Variants in ZNF800 observed in about 807,000 individuals in gnomAD.
ZNF800 encodes zinc finger protein 800.
A neutral mutation model predicts 59.5 loss-of-function variants in ZNF800; 13 were observed. That is an observed-to-expected ratio of 0.22 (90% CI 0.14 to 0.35). The LOEUF is 0.35. Among genes scored for constraint, ZNF800 ranks in the 10% least tolerant of loss-of-function variants. The pLI is 1.00. For missense variants in ZNF800, 621 were observed against 783.7 expected, an observed-to-expected ratio of 0.79 and a Z score of 2.48; for synonymous variants, 266 against 265.7, an observed-to-expected ratio of 1.00 and a Z score of -0.01.
At chr7:127,369,392 C>T (rs893865682), downstream of ZNF800, among the ~76,000 whole-genome samples, 7 of 152,118 alleles carry the variant, frequency 4.6e-5, no homozygotes, top group African/African-American at 1.7e-4. Flanking sequence ...ATGTAGCCTA[C>T]ATGCAGAAAA....
At position 127,384,227 on chromosome 7, in the gene ZNF800, CTTTTTTTTT is replaced by C. The variant is rs577977623; in HGVS notation, c.157+1824_157+1832del. On this transcript the variant is annotated intron_variant, in intron 3 of 5. Transcript: ENST00000265827. ...CTTATGACTTAACTAATTCTAACTT[CTTTTTTTTT>C]TTTTTTTTTTTTTTTTAGACAGAGT... Among the ~76,000 whole-genome samples the C allele has an allele frequency of 1.3e-3, 84 of 63,384 alleles. 2 individuals are homozygous for C. The highest frequency in any genetic ancestry group is 1.7e-3 in the Non-Finnish European group (60 of 36,098). 41.6% of individuals were successfully genotyped at this position (63,384 alleles called of 152,430 possible). A position where few individuals can be genotyped will look rare whatever the true frequency, so the allele number is the denominator to read the frequency against.
intron 1 of ZNF800, among the ~76,000 whole-genome samples, chr7:127,358,832 A>G (rs915883053): frequency 2.0e-5 from 3 of 152,264 alleles, no homozygotes; most frequent in Admixed American, 1.3e-4. Context: ...GCAGGAGCTT[A>G]CTTGTTTACT....
intron 4 of ZNF800, among the ~76,000 whole-genome samples, chr7:127,376,978 A>G: frequency 6.6e-6 from 1 of 152,030 alleles, no homozygotes; most frequent in East Asian, 1.9e-4. Context: ...CCAAGTGGAA[A>G]GCATTGATAT....
rs994385734 is a variant in ZNF800, at chr7:127,370,845, T to C, written c.*969A>G. The C allele has an allele frequency of 2.6e-5, 4 of 152,548 alleles. No individual in the cohort carries two copies. Among genetic ancestry groups the C allele is most frequent in the Non-Finnish European group, 2.9e-5 (2 of 67,976 alleles). 9.4% of individuals were successfully genotyped at this position (152,548 alleles called of 1,614,324 possible). A position where few individuals can be genotyped will look rare whatever the true frequency, so the allele number is the denominator to read the frequency against. On this transcript the variant is annotated 3_prime_UTR_variant, in exon 6 of 6. Transcript: ENST00000265827. Reference sequence around the variant, plus strand: ...TAAATTTTACAGTAGGAATCAAATATTATCTAAAGTGGTCCTTTAAGATTT... The same window carrying C: ...TAAATTTTACAGTAGGAATCAAATACTATCTAAAGTGGTCCTTTAAGATTT...
At chr7:127,386,285 C>A in intron 2 of ZNF800, 130 bp from the exon 3 acceptor site, 3 of 536,376 alleles carry the variant, frequency 5.6e-6, no homozygotes, top group Non-Finnish European at 9.9e-6. Flanking sequence ...CGCACACACA[C>A]ACGCATATAT....
downstream of ZNF800, chr7:127,369,908 T>C (rs1222055598): frequency 6.6e-6 from 1 of 152,044 alleles, no homozygotes; most frequent in Non-Finnish European, 1.5e-5. Context: ...GGCATACAAA[T>C]GAGAGGATGC....
intron 3 of ZNF800, among the ~76,000 whole-genome samples, chr7:127,383,258 G>A (rs73233044): frequency 0.011 from 1,684 of 151,340 alleles, 14 homozygotes; most frequent in Non-Finnish European, 0.018. Flanking sequence ...CAGAAGGTGA[G>A]ACACAAAAGG....
At position 127,375,176 on chromosome 7, in the gene ZNF800, G is replaced by A. The variant is rs745344852; in HGVS notation, c.302-142C>T. 7 of 672,078 alleles carry A rather than the reference G, an allele frequency of 1.0e-5. 1 individual carries two copies. In the South Asian group the frequency reaches 2.7e-4, roughly 26 times the overall value. 41.6% of individuals were successfully genotyped at this position (672,078 alleles called of 1,614,324 possible). A position where few individuals can be genotyped will look rare whatever the true frequency, so the allele number is the denominator to read the frequency against. On this transcript the variant is annotated intron_variant, in intron 4 of 5. Coordinates refer to ENST00000265827, the MANE Select transcript of ZNF800 (RefSeq NM_176814.5). ...TTATAAGAGCATTATCTACTTTTCA[G>A]TATTCTACAAAGATAAAGACTACTA...
At chr7:127,372,675 A>G in intron 5 of ZNF800, 2 of 985,212 alleles carry the variant, frequency 2.0e-6, no homozygotes, top group Non-Finnish European at 2.4e-6. Context: ...GATCAAAACT[A>G]AAAAACAGTA....
chr7:127,363,966 G>GTT (rs1478849635), intron 1 of ZNF800: 1 of 152,068 alleles, frequency 6.6e-6, no homozygotes, highest in East Asian at 1.9e-4. Context: ...ATATGGGAAG[G>GTT]TGGGTAAAAA....
chr7:127,362,886 GAA>G (rs1800421796), intron 1 of ZNF800: 1 of 152,136 alleles, frequency 6.6e-6, no homozygotes, highest in South Asian at 2.1e-4. Context: ...AGACAGATTA[GAA>G]AAGAGGTCAG....
rs17867023 is a variant in ZNF800, at chr7:127,352,762, T to C, written n.225-4719A>G. 7.6e-3 allele frequency among the ~76,000 whole-genome samples: 1,163 copies of C among 152,274 alleles called. 16 individuals carry two copies. Among genetic ancestry groups the C allele is most frequent in the African/African-American group, 0.026 (1,091 of 41,540 alleles). ...TACAGTCTTCTAATACCTAGTTACCTCTCTGGATGAACCAATAATCAGGGT... is the reference window on the plus strand; with the variant it reads ...TACAGTCTTCTAATACCTAGTTACCCCTCTGGATGAACCAATAATCAGGGT... On this transcript the variant is annotated intron_variant and non_coding_transcript_variant, in intron 1 of 1. Transcript: ENST00000485577.
chr7:127,369,429 C>G (rs1361943), downstream of ZNF800, among the ~76,000 whole-genome samples: 49,882 of 151,994 alleles, frequency 0.33, 9,427 homozygotes, highest in East Asian at 0.75. Flanking sequence ...TCTTAGGCCT[C>G]TTCTCAAGAG....
downstream of ZNF800, chr7:127,346,675 T>TA (rs1241739896): frequency 6.6e-6 from 1 of 152,272 alleles, no homozygotes. Flanking sequence ...GAATGTCTGA[T>TA]GATGTGCTAG....
intron 2 of ZNF800, among the ~76,000 whole-genome samples, chr7:127,388,652 C>A (rs1587457246): frequency 6.6e-6 from 1 of 152,304 alleles, no homozygotes; most frequent in African/African-American, 2.4e-5. Flanking sequence ...ACTTCCACTT[C>A]CACATGACAG....
At position 127,377,558 on chromosome 7, in the gene ZNF800, C is replaced by A. The variant is rs1044444875; in HGVS notation, c.158-229G>T. On this transcript the variant is annotated intron_variant, in intron 3 of 5. Transcript: ENST00000265827. This position sits in a 1 kb window ranked among gnomAD's most constrained non-coding sequence, Gnocchi z 4.7. ...GGAGAACTAAAATTGATGCTGTGTT[C>A]CCACTTCAGCAGCCAATCAATTCTT... Among the ~76,000 whole-genome samples, 1 of 151,998 alleles carries A rather than the reference C, an allele frequency of 6.6e-6. No homozygotes were observed. The highest frequency in any genetic ancestry group is 2.1e-4 in the South Asian group (1 of 4,832).
chr7:127,344,887 AAT>A (rs1800029341), downstream of ZNF800, among the ~76,000 whole-genome samples: 1 of 152,180 alleles, frequency 6.6e-6, no homozygotes, highest in Admixed American at 6.5e-5. Context: ...TGAAATAAAA[AAT>A]AGACAGATAT....
At chr7:127,386,910 C>T (rs975362846) in intron 2 of ZNF800, among the ~76,000 whole-genome samples, 1 of 151,796 alleles carries the variant, frequency 6.6e-6, no homozygotes, top group African/African-American at 2.4e-5. Flanking sequence ...TTGGTAGATG[C>T]AGAAATATAT....
rs1219943209 is a variant in ZNF800 at position 127,371,199 on chromosome 7, T to C, written c.*615A>G. On this transcript the variant is annotated 3_prime_UTR_variant, in exon 6 of 6. Transcript: ENST00000265827. The stretch of plus-strand genomic sequence containing the variant: ...GCATGAAAATGAACTGCAGCTTTCC[T>C]GTAGTATATATTTTAGGATGAAACT... The C allele has an allele frequency of 1.3e-5, 2 of 152,714 alleles. No homozygotes were observed. The highest frequency in any genetic ancestry group is 3.9e-4 in the East Asian group (2 of 5,188). 9.5% of individuals were successfully genotyped at this position (152,714 alleles called of 1,614,324 possible).
Sources: gnomAD v4.1 joint callset for allele counts (sites outside exome capture counted in the v4.1 genomes callset) on GRCh38, gnomAD v4.1.1 for gene constraint, Gnocchi (gnomAD v3.1) non-coding constraint, MANE v1.5 for transcripts, NCBI Gene and HGNC (gene_info 2026-07-23, HGNC 2026-07-21) for gene names.